Variants in WDR7 observed in about 807,000 individuals in gnomAD.
WDR7 encodes the protein WD repeat-containing protein 7.
In WDR7, 46 loss-of-function variants were observed where a neutral mutation model predicts 169.4. The observed-to-expected ratio is 0.27, with a 90% CI of 0.21 to 0.35. WDR7 has a LOEUF of 0.35. Among genes scored for constraint, WDR7 ranks in the 10% least tolerant of loss-of-function variants. The pLI, the probability that WDR7 is intolerant of heterozygous loss-of-function variation, is 1.00. For missense variants in WDR7, 1,534 were observed against 1,859.3 expected (o/e 0.83, Z 3.22); for synonymous variants, 612 against 666.8 (o/e 0.92, Z 1.27).
At position 56,691,321 on chromosome 18, in the gene WDR7, A is replaced by C. The variant is rs1242266231; in HGVS notation, c.823A>C (p.Thr275Pro). 2 of 1,600,960 alleles carry C rather than the reference A, an allele frequency of 1.2e-6. No homozygotes were observed. Among genetic ancestry groups the C allele is most frequent in the African/African-American group, 2.7e-5 (2 of 74,054 alleles). Residue 275 changes from threonine (T) to proline (P), a missense_variant, in exon 8 of 28, where the codon ACA (threonine) becomes CCA (proline). Thr to Pro is a conservative substitution (Grantham distance 38). Coordinates refer to ENST00000254442, the MANE Select transcript of WDR7 (RefSeq NM_015285.3). ...FVSSDKVIIW[T>P]ENGQSYIYKL... is the part of the protein sequence containing the mutation. ...CTCATCAGATAAAGTCATCATTTGG[A>C]CAGAAAATGGGCAAAGTTATATTTA...
intron 26 of WDR7, among the ~76,000 whole-genome samples, chr18:56,998,929 A>G (rs1403595231): frequency 6.6e-6 from 1 of 152,236 alleles, no homozygotes; most frequent in African/African-American, 2.4e-5. Flanking sequence ...TTGATGGTAC[A>G]TCGTAGCGCT....
At chr18:57,003,764 G>A (rs1165643833) in intron 26 of WDR7, among the ~76,000 whole-genome samples, 3 of 151,806 alleles carry the variant, frequency 2.0e-5, no homozygotes, top group Non-Finnish European at 4.4e-5. Flanking sequence ...AGAAAATCAC[G>A]GGGCCCTTTA....
At chr18:56,759,755 C>G (rs2144959219) in intron 16 of WDR7, among the ~76,000 whole-genome samples, 1 of 152,186 alleles carries the variant, frequency 6.6e-6, no homozygotes, top group Non-Finnish European at 1.5e-5. Flanking sequence ...CATTTTTCTT[C>G]CCTACTTTTT....
intron 26 of WDR7, among the ~76,000 whole-genome samples, chr18:56,964,994 C>T (rs2047387722): frequency 6.6e-6 from 1 of 152,092 alleles, no homozygotes; most frequent in African/African-American, 2.4e-5. Flanking sequence ...AAACAAGATT[C>T]ATAGTATGGG....
intron 20 of WDR7, among the ~76,000 whole-genome samples, chr18:56,840,066 AC>A (rs1170848514): frequency 2.6e-5 from 4 of 152,100 alleles, no homozygotes; most frequent in African/African-American, 9.7e-5. Context: ...CATCTCAAAA[AC>A]AAAACAAAAC....
At position 57,028,310 on chromosome 18, in the gene WDR7, A is replaced by C. The variant is rs1033609218; in HGVS notation, c.*1103A>C. The C allele has an allele frequency of 6.6e-6, 1 of 152,230 alleles. No homozygotes were observed. The allele number at this position is 152,230 out of a possible 1,614,324, so 9.4% of individuals were successfully genotyped here. On this transcript the variant is annotated 3_prime_UTR_variant, in exon 28 of 28. Transcript: ENST00000254442. ...ATAAAAATATGTGGGCTCTCGATTT[A>C]TTTGAGCAAACATTGCAATGAGGGT...
At chr18:57,030,222 C>A (rs2048431528), downstream of WDR7, 1 of 152,136 alleles carries the variant, frequency 6.6e-6, no homozygotes, top group Non-Finnish European at 1.5e-5. Flanking sequence ...TCAGAAAAAT[C>A]AAGAATAATA....
chr18:56,772,617 A>G (rs906171684), intron 16 of WDR7, among the ~76,000 whole-genome samples: 2 of 152,148 alleles, frequency 1.3e-5, no homozygotes, highest in Non-Finnish European at 2.9e-5. Context: ...TTGAGTCAAC[A>G]TTGAACATTA....
intron 26 of WDR7, among the ~76,000 whole-genome samples, chr18:57,001,630 G>T (rs1028770846): frequency 6.6e-6 from 1 of 152,146 alleles, no homozygotes; most frequent in Non-Finnish European, 1.5e-5. Flanking sequence ...ATACAACCAT[G>T]TGACCACCAC....
At chr18:56,691,963 TA>T (rs2025580623) in intron 9 of WDR7, 146 bp downstream of exon 9, 6 of 545,908 alleles carry the variant, frequency 1.1e-5, no homozygotes, top group Non-Finnish European at 1.8e-5. Context: ...TGGTCAGTTA[TA>T]AGGACATTTC....
intron 21 of WDR7, among the ~76,000 whole-genome samples, chr18:56,922,724 C>G (rs1372528419): frequency 6.6e-6 from 1 of 152,114 alleles, no homozygotes; most frequent in Non-Finnish European, 1.5e-5. Context: ...AGAAGAAATT[C>G]AGAATCACTA....
chr18:56,796,575 T>C (rs2044588509), intron 19 of WDR7, among the ~76,000 whole-genome samples: 1 of 152,166 alleles, frequency 6.6e-6, no homozygotes, highest in South Asian at 2.1e-4. Flanking sequence ...AAATTTCCAC[T>C]AAAAAAACTT....
At chr18:56,940,674 A>C (rs189758294) in intron 25 of WDR7, among the ~76,000 whole-genome samples, 113 of 152,320 alleles carry the variant, frequency 7.4e-4, no homozygotes, top group African/African-American at 2.7e-3. Context: ...GGGAATGTCT[A>C]AGCGAAAATG....
intron 13 of WDR7, among the ~76,000 whole-genome samples, chr18:56,731,003 G>A (rs758413883): frequency 4.6e-5 from 7 of 151,908 alleles, no homozygotes; most frequent in South Asian, 4.1e-4. Context: ...GACTTTTTTC[G>A]TTTAAGATTG....
intron 1 of WDR7, among the ~76,000 whole-genome samples, chr18:56,651,994 C>G (rs916205304): frequency 1.3e-5 from 2 of 152,118 alleles, no homozygotes; most frequent in African/African-American, 4.8e-5. Context: ...TGCCCATGCC[C>G]AAGGTACTGA....
chr18:56,781,761 T>G, intron 19 of WDR7, 105 bp downstream of exon 19: 1 of 1,202,944 alleles, frequency 8.3e-7, no homozygotes. Context: ...AATGAGTCAC[T>G]GACCTTAAAG....
intron 19 of WDR7, among the ~76,000 whole-genome samples, chr18:56,790,913 T>C (rs117516395): frequency 1.1e-4 from 17 of 152,174 alleles, no homozygotes; most frequent in Admixed American, 8.5e-4. Context: ...AGATTGAGAT[T>C]GATCTGGTTT....
At chr18:56,668,661 G>A (rs2025070514) in intron 1 of WDR7, among the ~76,000 whole-genome samples, 1 of 152,180 alleles carries the variant, frequency 6.6e-6, no homozygotes, top group Non-Finnish European at 1.5e-5. Context: ...TTAGTTTTGG[G>A]ATGGAAGTTG....
At chr18:56,677,074 C>T (rs929535667) in intron 2 of WDR7, among the ~76,000 whole-genome samples, 2 of 152,168 alleles carry the variant, frequency 1.3e-5, no homozygotes, top group African/African-American at 4.8e-5. Flanking sequence ...TGTGTACTTA[C>T]TATTACTGGT....
Sources: allele counts gnomAD v4.1 joint callset (sites outside exome capture counted in the v4.1 genomes callset), GRCh38; gene constraint gnomAD v4.1.1; transcripts MANE v1.5; gene names NCBI Gene and HGNC (gene_info 2026-07-23, HGNC 2026-07-21).